Variants in ADCY2 observed in about 807,000 individuals in gnomAD.
ADCY2 encodes adenylate cyclase type 2.
In ADCY2, 31 loss-of-function variants were observed where a neutral mutation model predicts 125.2. That is an observed-to-expected ratio of 0.25 (90% CI 0.19 to 0.33). The LOEUF (loss-of-function observed/expected upper bound fraction) is 0.33. ADCY2 is among the 10% of genes least tolerant of loss of function. The pLI, the probability that ADCY2 is intolerant of heterozygous loss-of-function variation, is 1.00. For missense variants in ADCY2, 904 were observed against 1,418.2 expected (o/e 0.64, Z 5.82); for synonymous variants, 512 against 548.4 (o/e 0.93, Z 0.93).
At chr5:7,521,759 A>C (rs1226461880) in intron 3 of ADCY2, among the ~76,000 whole-genome samples, 1 of 152,208 alleles carries the variant, frequency 6.6e-6, no homozygotes, top group Non-Finnish European at 1.5e-5. Flanking sequence ...GGTGGAAGTG[A>C]AGGCTCACTC....
intron 7 of ADCY2, among the ~76,000 whole-genome samples, chr5:7,704,807 G>A (rs1389950143): frequency 1.3e-5 from 2 of 151,922 alleles, no homozygotes; most frequent in African/African-American, 2.4e-5. Context: ...GAACCCGGGC[G>A]GCGGAGCTTG....
At chr5:7,721,616 G>A (rs1010649716) in intron 12 of ADCY2, among the ~76,000 whole-genome samples, 4 of 152,178 alleles carry the variant, frequency 2.6e-5, no homozygotes, top group Non-Finnish European at 4.4e-5. Flanking sequence ...TCTACGTATA[G>A]CTAGCCAGTT....
chr5:7,704,240 G>T (rs1235062343), intron 7 of ADCY2, among the ~76,000 whole-genome samples: 3 of 152,034 alleles, frequency 2.0e-5, no homozygotes, highest in Non-Finnish European at 2.9e-5. Flanking sequence ...TTGCCAGATG[G>T]TCTCAGTGTC....
chr5:7,730,303 G>T (rs1390047994), intron 14 of ADCY2, among the ~76,000 whole-genome samples: 2 of 152,078 alleles, frequency 1.3e-5, no homozygotes, highest in African/African-American at 2.4e-5. Flanking sequence ...GCTTGCATTG[G>T]TTCCATATCT....
intron 16 of ADCY2, among the ~76,000 whole-genome samples, chr5:7,763,437 T>C (rs1459519561): frequency 6.6e-6 from 1 of 152,190 alleles, no homozygotes; most frequent in African/African-American, 2.4e-5. Flanking sequence ...ATAAGGTATA[T>C]TATTGAACAA....
intron 1 of ADCY2, among the ~76,000 whole-genome samples, chr5:7,413,451 G>C (rs970117953): frequency 6.7e-6 from 1 of 149,634 alleles, no homozygotes; most frequent in Non-Finnish European, 1.5e-5. Context: ...CTGCCACCAC[G>C]CGCGGCTAAT....
intron 15 of ADCY2, among the ~76,000 whole-genome samples, chr5:7,752,543 T>G (rs1050365290): frequency 6.6e-6 from 1 of 152,174 alleles, no homozygotes; most frequent in Non-Finnish European, 1.5e-5. Flanking sequence ...TGTCTCATCT[T>G]ATTGTTAAAA....
intron 20 of ADCY2, chr5:7,801,060 G>A (rs779272621): frequency 2.0e-5 from 3 of 152,216 alleles, no homozygotes; most frequent in Non-Finnish European, 2.9e-5. Context: ...AAAAGGACAC[G>A]AGTCCATCTT....
At chr5:7,624,204 G>T (rs1278832821) in intron 3 of ADCY2, among the ~76,000 whole-genome samples, 1 of 151,758 alleles carries the variant, frequency 6.6e-6, no homozygotes, top group African/African-American at 2.4e-5. Context: ...CATTTATTTT[G>T]TAGGACTTGA....
At chr5:7,731,343 C>A (rs1742098298) in intron 14 of ADCY2, among the ~76,000 whole-genome samples, 1 of 151,340 alleles carries the variant, frequency 6.6e-6, no homozygotes, top group Admixed American at 6.6e-5. Context: ...GCAACCTCCG[C>A]CTCCTGGGTT....
At chr5:7,592,735 A>G (rs1736890028) in intron 3 of ADCY2, among the ~76,000 whole-genome samples, 1 of 152,194 alleles carries the variant, frequency 6.6e-6, no homozygotes, top group Non-Finnish European at 1.5e-5. Flanking sequence ...ACAGAGGAAA[A>G]TTCTGAAGGA....
intron 4 of ADCY2, among the ~76,000 whole-genome samples, chr5:7,681,946 C>G (rs1262652149): frequency 6.6e-6 from 1 of 152,194 alleles, no homozygotes; most frequent in Non-Finnish European, 1.5e-5. Context: ...TAAAGTTTAG[C>G]AAACTGCTTA....
intron 12 of ADCY2, 148 bp from the exon 13 acceptor site, chr5:7,724,397 T>G (rs571203796): frequency 1.6e-6 from 1 of 642,358 alleles, no homozygotes; most frequent in East Asian, 2.8e-5. Context: ...TCCAGTTAGT[T>G]GGCATCACGT....
intron 15 of ADCY2, among the ~76,000 whole-genome samples, chr5:7,753,583 T>C (rs80301108): frequency 0.013 from 2,005 of 152,292 alleles, 37 homozygotes; most frequent in African/African-American, 0.044. Context: ...ACCAGAGCCT[T>C]TAATACTTAA....
At chr5:7,640,385 G>A (rs900011703) in intron 4 of ADCY2, among the ~76,000 whole-genome samples, 7 of 152,116 alleles carry the variant, frequency 4.6e-5, no homozygotes, top group African/African-American at 1.7e-4. Context: ...TGGGCCTCTT[G>A]AAAAGATATG....
Position 7,584,952 on chromosome 5 carries a change from A to G in ADCY2, c.571-41215A>G, listed in dbSNP as rs1288180377. ...TACACAGCATCACAAACTAAAAATAATGCTGACAATGTAAAATAGTGGAAA... is the reference window on the plus strand; with the variant it reads ...TACACAGCATCACAAACTAAAAATAGTGCTGACAATGTAAAATAGTGGAAA... On this transcript the variant is annotated intron_variant, in intron 3 of 24. Coordinates refer to ENST00000338316, the MANE Select transcript of ADCY2 (RefSeq NM_020546.3). 2.0e-5 allele frequency among the ~76,000 whole-genome samples: 3 copies of G among 152,200 alleles called. No homozygotes were observed. In the East Asian group the frequency reaches 5.8e-4, roughly 29 times the overall value.
intron 4 of ADCY2, among the ~76,000 whole-genome samples, chr5:7,651,262 TAGA>T (rs1739078880): frequency 6.6e-6 from 1 of 152,190 alleles, no homozygotes; most frequent in South Asian, 2.1e-4. Context: ...CAGGGTTCTC[TAGA>T]AGGACAGAAC....
At chr5:7,662,036 G>T (rs1381517708) in intron 4 of ADCY2, among the ~76,000 whole-genome samples, 4 of 152,100 alleles carry the variant, frequency 2.6e-5, no homozygotes, top group African/African-American at 9.7e-5. Flanking sequence ...CATATACACA[G>T]GTTCTTGGCA....
At chr5:7,763,674 T>C (rs1743302239) in intron 16 of ADCY2, among the ~76,000 whole-genome samples, 2 of 152,208 alleles carry the variant, frequency 1.3e-5, no homozygotes. Context: ...TCACACAATA[T>C]CTGTCCCTCT....
Sources: allele counts gnomAD v4.1 joint callset (sites outside exome capture counted in the v4.1 genomes callset), GRCh38; gene constraint gnomAD v4.1.1; transcripts MANE v1.5; gene names NCBI Gene and HGNC (gene_info 2026-07-23, HGNC 2026-07-21).